UNC13B: variants seen among roughly 807,000 people sequenced by gnomAD.
The protein encoded by UNC13B is protein unc-13 homolog B.
UNC13B carries 144 observed loss-of-function variants against 211.0 expected under a neutral mutation model. The observed-to-expected ratio is 0.68, with a 90% confidence interval of 0.60 to 0.78. UNC13B has a LOEUF of 0.78. UNC13B is among the 30% of genes least tolerant of loss of function. UNC13B has a pLI of 0.00. For synonymous variants in UNC13B, 709 were observed against 725.8 expected (o/e 0.98, Z 0.37); for missense variants, 1,777 against 2,002.0 (o/e 0.89, Z 2.14).
chr9:35,404,160 A>G lies in UNC13B; in HGVS notation c.*127A>G. On this transcript the variant is annotated 3_prime_UTR_variant, in exon 40 of 40. Transcript: ENST00000635942. ...CTGACCCCTTCAGTTAAAGATATTT[A>G]AGGAAAAATTTGGGGTGGTGATAAT... 1 of 1,336,542 alleles carries G rather than the reference A, an allele frequency of 7.5e-7. No homozygotes were observed. The highest frequency in any genetic ancestry group is 9.9e-7 in the Non-Finnish European group (1 of 1,006,556). 82.8% of individuals were successfully genotyped at this position (1,336,542 alleles called of 1,614,324 possible).
At chr9:35,282,267 C>T (rs1355998813) in intron 7 of UNC13B, among the ~76,000 whole-genome samples, 1 of 152,120 alleles carries the variant, frequency 6.6e-6, no homozygotes, top group East Asian at 1.9e-4. Context: ...CAATCACAAC[C>T]CCCTCTTCCC....
At chr9:35,203,888 G>A (rs1292216616) in intron 1 of UNC13B, among the ~76,000 whole-genome samples, 1 of 152,248 alleles carries the variant, frequency 6.6e-6, no homozygotes, top group Admixed American at 6.5e-5. Flanking sequence ...GTAAAGAGCA[G>A]CCAAGTGCTA....
At chr9:35,176,373 C>T (rs1821634359) in intron 1 of UNC13B, among the ~76,000 whole-genome samples, 1 of 151,938 alleles carries the variant, frequency 6.6e-6, no homozygotes, top group South Asian at 2.1e-4. Flanking sequence ...CATGACAAAA[C>T]CCCGTCTCTA....
chr9:35,291,202 C>G, intron 7 of UNC13B: 1 of 1,139,334 alleles, frequency 8.8e-7, no homozygotes, highest in Non-Finnish European at 1.3e-6. Flanking sequence ...GCATAGACTT[C>G]CATTTCCCTC....
chr9:35,398,706 C>CT, intron 32 of UNC13B, 64 bp downstream of exon 32: 3 of 1,589,554 alleles, frequency 1.9e-6, no homozygotes, highest in Non-Finnish European at 2.6e-6. Context: ...TCCCAGAGCC[C>CT]TTGCCCCACA....
chr9:35,351,488 A>C, intron 11 of UNC13B: 2 of 1,232,068 alleles, frequency 1.6e-6, no homozygotes, highest in Non-Finnish European at 2.0e-6. Context: ...CAGAAATAAG[A>C]GGAAGAAGCA....
Position 35,399,248 on chromosome 9 carries a change from G to A in UNC13B, c.12162G>A (p.Glu4054=), listed in dbSNP as rs1175052894. 1.9e-6 allele frequency: 3 copies of A among 1,614,182 alleles called. No homozygotes were observed. The highest frequency in any genetic ancestry group is 1.6e-4 in the Middle Eastern group (1 of 6,062). Residue 4054 remains glutamate, a synonymous_variant, in exon 34 of 40, where the codon GAG becomes GAA. Transcript: ENST00000635942. ...GGCGCGTGGTGATGAACACAATGGA[G>A]AGGATGATTGTTCTGCCCCCACTCA... ...ELWRVVMNTM[E]RMIVLPPLTD... is the part of the protein sequence containing the mutation.
intron 7 of UNC13B, among the ~76,000 whole-genome samples, chr9:35,267,489 C>A (rs1176884269): frequency 6.6e-6 from 1 of 152,196 alleles, no homozygotes; most frequent in African/African-American, 2.4e-5. Flanking sequence ...TGTGCAGAAA[C>A]ACTGCAGTAT....
rs897141621 is a variant in UNC13B at position 35,353,017 on chromosome 9, G to A, written c.9415-13930G>A. The A allele has an allele frequency of 2.8e-5, 34 of 1,232,074 alleles. No individual in the cohort carries two copies. In the African/African-American group the frequency reaches 3.7e-4, roughly 13 times the overall value. 76.3% of individuals were successfully genotyped at this position (1,232,074 alleles called of 1,614,324 possible). ...ACAAGCTCCTGGGCTGCGAAGCTGG[G>A]CTCGATATTCTGAGCTCAAAGGAAC... On this transcript the variant is annotated intron_variant, in intron 11 of 39. Transcript: ENST00000635942.
intron 1 of UNC13B, among the ~76,000 whole-genome samples, chr9:35,200,936 A>G (rs1052211000): frequency 6.6e-6 from 1 of 152,178 alleles, no homozygotes; most frequent in Admixed American, 6.5e-5. Flanking sequence ...GAAGGCTTCC[A>G]GTTTTTGCCC....
At chr9:35,251,250 C>T (rs1826465005) in intron 6 of UNC13B, among the ~76,000 whole-genome samples, 2 of 152,198 alleles carry the variant, frequency 1.3e-5, no homozygotes, top group South Asian at 2.1e-4. Context: ...AGGCGTGAGT[C>T]ACCGCGCCCG....
chr9:35,190,737 G>GA (rs745965114), intron 1 of UNC13B, among the ~76,000 whole-genome samples: 13 of 152,166 alleles, frequency 8.5e-5, no homozygotes, highest in Non-Finnish European at 1.9e-4. Context: ...TCCAAGAAGA[G>GA]AAAAACATAA....
Position 35,379,470 on chromosome 9 carries a change from G to A in UNC13B, c.10206-1000G>A, listed in dbSNP as rs566863491. ...CTAAAAAAAGAAAAGAAAAAAAAAA[G>A]GGATTAGGATATAGTAAAATTCATC... On this transcript the variant is annotated intron_variant, in intron 17 of 39. Transcript: ENST00000635942. Among the ~76,000 whole-genome samples the A allele has an allele frequency of 2.9e-3, 445 of 151,840 alleles. 2 individuals are homozygous for A. The highest frequency in any genetic ancestry group is 0.01 in the African/African-American group (431 of 41,434).
chr9:35,243,257 AT>A (rs1489471895), intron 5 of UNC13B, 33 bp from the exon 6 acceptor site: 2 of 1,601,050 alleles, frequency 1.2e-6, no homozygotes, highest in Non-Finnish European at 1.7e-6. Flanking sequence ...TGCTGATGTG[AT>A]TTCTTTTCTT....
Position 35,377,646 on chromosome 9 carries a change from G to C in UNC13B, c.10014G>C (p.Gln3338His), listed in dbSNP as rs1834517288. Residue 3338 changes from glutamine (Q) to histidine (H), a missense_variant, in exon 16 of 40, where the codon CAG (glutamine) becomes CAC (histidine). Transcript: ENST00000635942. ...AHVQQMKTVK[Q>H]SVLDGTSKWS... Reference sequence around the variant, plus strand: ...TGCAGCAGATGAAAACAGTGAAGCAGAGTGTACTGGATGGCACCTCCAAAT... The same window carrying C: ...TGCAGCAGATGAAAACAGTGAAGCACAGTGTACTGGATGGCACCTCCAAAT... 1 of 1,614,198 alleles carries C rather than the reference G, an allele frequency of 6.2e-7. No individual in the cohort carries two copies. Among genetic ancestry groups the C allele is most frequent in the Non-Finnish European group, 8.5e-7 (1 of 1,180,048 alleles).
intron 1 of UNC13B, among the ~76,000 whole-genome samples, chr9:35,178,811 T>C (rs561373111): frequency 1.4e-5 from 2 of 141,888 alleles, no homozygotes; most frequent in Admixed American, 1.5e-4. Flanking sequence ...TTGCTTGACC[T>C]TGGGAGGCGG....
chr9:35,376,107 G>A lies in UNC13B; in HGVS notation c.9695G>A (p.Trp3232Ter). The change falls in exon 15 of 40, where the codon TGG becomes TAG. Residue 3232 changes from tryptophan (W) to a stop codon, truncating the protein, a stop_gained. Coordinates refer to ENST00000635942, the MANE Select transcript of UNC13B (RefSeq NM_001371189.2). LOFTEE classifies it high-confidence loss of function. ...SCTTPHNFEVWTATTPTYCYE... is the reference protein window; with the variant it reads ...SCTTPHNFEV ...ACCACTCCTCATAACTTTGAGGTCT[G>A]GACGGCCACTACCCCAACCTACTGC... is the stretch of plus-strand genomic sequence containing the variant. 1 of 1,614,264 alleles carries A rather than the reference G, an allele frequency of 6.2e-7. No homozygotes were observed. Among genetic ancestry groups the A allele is most frequent in the Non-Finnish European group, 8.5e-7 (1 of 1,180,048 alleles).
At chr9:35,245,673 C>T (rs915148135) in intron 6 of UNC13B, among the ~76,000 whole-genome samples, 4 of 152,028 alleles carry the variant, frequency 2.6e-5, no homozygotes, top group Non-Finnish European at 5.9e-5. Flanking sequence ...CTACAAAGGA[C>T]ATGAACTCAT....
rs955562813 is a variant in UNC13B, at chr9:35,268,018, TC to T, written c.526+8970del. Reference sequence around the variant, plus strand: ...CTCTTCTCTGTCTCCCAGCTCTGCCTCCTCTGTTCTTTTTGGCTGCTTAGAA... The same window carrying T: ...CTCTTCTCTGTCTCCCAGCTCTGCCTCTCTGTTCTTTTTGGCTGCTTAGAA... On this transcript the variant is annotated intron_variant, in intron 7 of 39. Transcript: ENST00000635942. Among the ~76,000 whole-genome samples the T allele has an allele frequency of 2.0e-5, 3 of 152,276 alleles. No homozygotes were observed. In the South Asian group the frequency reaches 6.2e-4, roughly 32 times the overall value.
Sources: allele counts gnomAD v4.1 joint callset (sites outside exome capture counted in the v4.1 genomes callset), GRCh38; gene constraint gnomAD v4.1.1; transcripts MANE v1.5; gene names NCBI Gene and HGNC (gene_info 2026-07-23, HGNC 2026-07-21).